The following PCOLCE2 variants were observed in gnomAD, a reference collection of about 807,000 sequenced individuals.
PCOLCE2 encodes procollagen C-proteinase enhancer 2.
A neutral mutation model predicts 47.0 loss-of-function variants in PCOLCE2; 42 were observed. The ratio of observed to expected loss-of-function variants is 0.89; its 90% CI spans 0.70 to 1.16. The LOEUF (loss-of-function observed/expected upper bound fraction) is 1.16. Ranked by LOEUF, PCOLCE2 falls within the 50% of genes most tolerant of loss-of-function variation. The pLI is 0.00. For missense variants in PCOLCE2, 500 were observed against 526.1 expected, an observed-to-expected ratio of 0.95 and a Z score of 0.49; for synonymous variants, 169 against 191.7, an observed-to-expected ratio of 0.88 and a Z score of 0.98.
chr3:142,849,187 G>A (rs1210043056), intron 2 of PCOLCE2, among the ~76,000 whole-genome samples: 1 of 152,048 alleles, frequency 6.6e-6, no homozygotes, highest in Non-Finnish European at 1.5e-5. Flanking sequence ...AAATAATACA[G>A]TAGGACGCAT....
At chr3:142,847,353 G>C (rs573113458) in intron 3 of PCOLCE2, among the ~76,000 whole-genome samples, 1 of 152,284 alleles carries the variant, frequency 6.6e-6, no homozygotes, top group Admixed American at 6.5e-5. Context: ...TTCAGCCCCA[G>C]ATTCTGTCCT....
chr3:142,853,102 A>T (rs992179332), intron 2 of PCOLCE2, among the ~76,000 whole-genome samples: 2 of 118,382 alleles, frequency 1.7e-5, no homozygotes, highest in Non-Finnish European at 3.6e-5. Context: ...GACCCTGTTT[A>T]AAAAAAAAAA....
intron 2 of PCOLCE2, among the ~76,000 whole-genome samples, chr3:142,857,118 C>T (rs1053853729): frequency 3.9e-5 from 6 of 152,198 alleles, no homozygotes; most frequent in African/African-American, 1.4e-4. Flanking sequence ...CTTTCCCATG[C>T]TTCCTACTGA....
intron 2 of PCOLCE2, among the ~76,000 whole-genome samples, chr3:142,858,721 TTGTGTGTGTGTGTA>T (rs927408325): frequency 4.1e-5 from 5 of 121,294 alleles, no homozygotes; most frequent in Non-Finnish European, 9.4e-5. Flanking sequence ...ATACAGGATT[TTGTGTGTGTGTGTA>T]TGTGTGTGTG....
rs546922096 is a variant in PCOLCE2, at chr3:142,825,229, G to A, written c.866-1614C>T. On this transcript the variant is annotated intron_variant, in intron 6 of 8. Coordinates refer to ENST00000295992, the MANE Select transcript of PCOLCE2 (RefSeq NM_013363.4). ...CCCTTTCCCGGGCCCATTGGGAACC[G>A]GCTGCTTCTCAGCCTCCGAAGGTCA... 1.8e-4 allele frequency among the ~76,000 whole-genome samples: 27 copies of A among 152,170 alleles called. No individual in the cohort carries two copies. The East Asian group carries it at 1.9e-3, about 11-fold the overall frequency.
chr3:142,829,077 A>C (rs1184842617), intron 6 of PCOLCE2, among the ~76,000 whole-genome samples: 1 of 152,112 alleles, frequency 6.6e-6, no homozygotes, highest in Non-Finnish European at 1.5e-5. Context: ...CTGAGGCCTG[A>C]AATCCCAGGG....
intron 2 of PCOLCE2, among the ~76,000 whole-genome samples, chr3:142,879,881 GA>G (rs969071080): frequency 6.8e-5 from 10 of 146,164 alleles, no homozygotes; most frequent in Non-Finnish European, 1.2e-4. Flanking sequence ...TGAGGCAAGA[GA>G]ATAGTGTGAA....
chr3:142,887,191 G>C (rs1054858762), intron 2 of PCOLCE2: 1 of 152,402 alleles, frequency 6.6e-6, no homozygotes, highest in Non-Finnish European at 1.5e-5. Flanking sequence ...TGCCTTTAGA[G>C]GTGGTTTCAA....
At chr3:142,828,620 G>A (rs1937111873) in intron 6 of PCOLCE2, among the ~76,000 whole-genome samples, 1 of 152,164 alleles carries the variant, frequency 6.6e-6, no homozygotes, top group South Asian at 2.1e-4. Flanking sequence ...AAGTAGGTCT[G>A]AGGCAGAAAA....
At chr3:142,860,681 T>A (rs942071040) in intron 2 of PCOLCE2, among the ~76,000 whole-genome samples, 8 of 152,224 alleles carry the variant, frequency 5.3e-5, no homozygotes, top group South Asian at 2.1e-4. Context: ...GTGCTAGGAT[T>A]ATAGGTGTGA....
chr3:142,839,346 C>T (rs1399126678), intron 4 of PCOLCE2, among the ~76,000 whole-genome samples: 2 of 151,230 alleles, frequency 1.3e-5, no homozygotes, highest in Non-Finnish European at 2.9e-5. Flanking sequence ...GAGTTTCACT[C>T]TTGTTGCCCA....
intron 2 of PCOLCE2, among the ~76,000 whole-genome samples, chr3:142,853,523 T>C (rs1932996081): frequency 6.6e-6 from 1 of 152,178 alleles, no homozygotes; most frequent in Non-Finnish European, 1.5e-5. Context: ...ATCAAAAATA[T>C]TTGTTAAATG....
At chr3:142,888,612 G>C (rs1205241369) in intron 1 of PCOLCE2, 1 of 424,480 alleles carries the variant, frequency 2.4e-6, no homozygotes, top group East Asian at 3.6e-5. Flanking sequence ...ACCCAGGAGG[G>C]AGCCCCGCGA....
chr3:142,818,090 T>C lies in PCOLCE2; in HGVS notation c.*245A>G, dbSNP rs1936970610. 2.7e-6 allele frequency: 1 copy of C among 372,820 alleles called. No individual in the cohort carries two copies. Among genetic ancestry groups the C allele is most frequent in the Admixed American group, 3.9e-5 (1 of 25,560 alleles). The allele number at this position is 372,820 out of a possible 1,614,324, so 23.1% of individuals were successfully genotyped here. A position where few individuals can be genotyped will look rare whatever the true frequency, so the allele number is the denominator to read the frequency against. On this transcript the variant is annotated 3_prime_UTR_variant, in exon 9 of 9. Transcript: ENST00000295992. ...GCTGTCAACGCTTGACACTTTTAGC[T>C]TCCTATCACCGCACTAAGTCGGCAG...
At chr3:142,825,094 G>A (rs184119556) in intron 6 of PCOLCE2, among the ~76,000 whole-genome samples, 1 of 152,294 alleles carries the variant, frequency 6.6e-6, no homozygotes, top group East Asian at 1.9e-4. Context: ...GGAAGGGAGA[G>A]ACATACCATT....
chr3:142,840,265 ATAG>A (rs1239149526), intron 4 of PCOLCE2, among the ~76,000 whole-genome samples: 1 of 152,212 alleles, frequency 6.6e-6, no homozygotes, highest in East Asian at 1.9e-4. Flanking sequence ...AGTACCAATA[ATAG>A]TGTCCTAAAT....
chr3:142,837,251 T>C (rs1182790977), intron 5 of PCOLCE2, among the ~76,000 whole-genome samples: 1 of 152,368 alleles, frequency 6.6e-6, no homozygotes, highest in Non-Finnish European at 1.5e-5. Context: ...TTTAGTCCAG[T>C]GTCTGGCTTC....
At position 142,843,055 on chromosome 3, in the gene PCOLCE2, G is replaced by C; in HGVS notation, c.449-7C>G. 2 of 1,611,474 alleles carry C rather than the reference G, an allele frequency of 1.2e-6. No individual in the cohort carries two copies. The highest frequency in any genetic ancestry group is 1.7e-6 in the Non-Finnish European group (2 of 1,179,054). ...CCTCCACAATACTGATCCCCTTCAA[G>C]TATTAAACAAGGAAAAAAGCCCACA... On this transcript the variant is annotated splice_region_variant and splice_polypyrimidine_tract_variant and intron_variant, in intron 3 of 8. Transcript: ENST00000295992.
rs1356862680 is a variant in PCOLCE2 at position 142,818,354 on chromosome 3, A to G, written c.1229T>C (p.Leu410Ser). ...KTKNQKLLDA[L>S]KNKQC ...TCACTGTTAACATTGCTTATTTTTT[A>G]AGGCATCCAGGAGCTTCTGATTCTT... The change falls in exon 9 of 9, where the codon TTA becomes TCA. Residue 410 changes from leucine (L) to serine (S), a missense_variant. By Grantham distance (145) the Leu-to-Ser change is moderately radical. Coordinates refer to ENST00000295992, the MANE Select transcript of PCOLCE2 (RefSeq NM_013363.4). The G allele has an allele frequency of 6.2e-7, 1 of 1,613,624 alleles. No homozygotes were observed. Among genetic ancestry groups the G allele is most frequent in the South Asian group, 1.1e-5 (1 of 91,052 alleles).
Sources: allele counts gnomAD v4.1 joint callset (sites outside exome capture counted in the v4.1 genomes callset), GRCh38; gene constraint gnomAD v4.1.1; transcripts MANE v1.5; gene names NCBI Gene and HGNC (gene_info 2026-07-23, HGNC 2026-07-21).